CSMD1: variants seen among roughly 807,000 people sequenced by gnomAD.
CSMD1 encodes the protein CUB and Sushi multiple domains 1, also known as CUB and sushi domain-containing protein 1.
In CSMD1, 213 loss-of-function variants were observed where a neutral mutation model predicts 417.5. The ratio of observed to expected loss-of-function variants is 0.51; its 90% confidence interval spans 0.46 to 0.57. The LOEUF (loss-of-function observed/expected upper bound fraction) is 0.57, where lower values mean the gene tolerates loss of function less well. Among genes scored for constraint, CSMD1 ranks in the 20% least tolerant of loss-of-function variants. CSMD1 has a pLI of 0.00. For synonymous variants in CSMD1, 2,862 were observed against 1,736.8 expected, an observed-to-expected ratio of 1.65 and a Z score of -16.11; for missense variants, 6,923 against 4,529.7, an observed-to-expected ratio of 1.53 and a Z score of -15.17.
intron 3 of CSMD1, among the ~76,000 whole-genome samples, chr8:4,046,636 A>G (rs1368395282): frequency 1.4e-5 from 2 of 146,626 alleles, no homozygotes; most frequent in African/African-American, 4.9e-5. Context: ...ATCATAACAA[A>G]CAACAAGTGT....
At chr8:4,567,974 A>C (rs916959969) in intron 2 of CSMD1, among the ~76,000 whole-genome samples, 3 of 152,188 alleles carry the variant, frequency 2.0e-5, no homozygotes, top group African/African-American at 7.2e-5. Context: ...AAGGACTGTT[A>C]TTTAACTTTG....
At chr8:3,188,304 C>CTTTTT (rs33913660) in intron 35 of CSMD1, among the ~76,000 whole-genome samples, 4 of 87,624 alleles carry the variant, frequency 4.6e-5, no homozygotes, top group Non-Finnish European at 5.9e-5. Context: ...CTTTTCCTTT[C>CTTTTT]TTTTTTTTTT....
At chr8:3,633,732 A>G (rs1796897480) in intron 7 of CSMD1, among the ~76,000 whole-genome samples, 1 of 152,212 alleles carries the variant, frequency 6.6e-6, no homozygotes, top group African/African-American at 2.4e-5. Flanking sequence ...AATGTCATGT[A>G]AACACTGATT....
At chr8:4,678,230 G>C (rs1805819383) in intron 1 of CSMD1, among the ~76,000 whole-genome samples, 1 of 151,946 alleles carries the variant, frequency 6.6e-6, no homozygotes, top group African/African-American at 2.4e-5. Context: ...GGCCAACCTG[G>C]TGAAACCCTG....
chr8:4,483,092 G>A (rs1343133771), intron 2 of CSMD1, among the ~76,000 whole-genome samples: 1 of 152,140 alleles, frequency 6.6e-6, no homozygotes, highest in Non-Finnish European at 1.5e-5. Context: ...ATAATTGAAT[G>A]ACAGGGGCAG....
At chr8:3,866,212 C>G (rs1411055814) in intron 5 of CSMD1, among the ~76,000 whole-genome samples, 2 of 152,114 alleles carry the variant, frequency 1.3e-5, no homozygotes, top group East Asian at 1.9e-4. Context: ...AGCATTATTC[C>G]TAATTCTAGT....
intron 43 of CSMD1, among the ~76,000 whole-genome samples, chr8:3,109,255 C>T (rs908820229): frequency 1.3e-5 from 2 of 152,182 alleles, no homozygotes; most frequent in African/African-American, 4.8e-5. Flanking sequence ...CAGGGCAAGA[C>T]TCTGTCTCAA....
intron 2 of CSMD1, among the ~76,000 whole-genome samples, chr8:4,542,509 A>T (rs759938900): frequency 4.6e-5 from 7 of 152,228 alleles, no homozygotes; most frequent in Admixed American, 1.3e-4. Context: ...ACAATTATTG[A>T]AGCCTCCTTT....
At chr8:4,916,736 A>C (rs779437242) in intron 1 of CSMD1, among the ~76,000 whole-genome samples, 1 of 152,256 alleles carries the variant, frequency 6.6e-6, no homozygotes, top group Non-Finnish European at 1.5e-5. Flanking sequence ...ATCGCAAAGA[A>C]TAAATAGGTA....
chr8:4,957,322 G>T (rs977534834), intron 1 of CSMD1, among the ~76,000 whole-genome samples: 1 of 152,104 alleles, frequency 6.6e-6, no homozygotes, highest in South Asian at 2.1e-4. Context: ...TTTAAACAAG[G>T]AAAGATGCGT....
At chr8:3,596,960 G>A (rs190293498) in intron 8 of CSMD1, among the ~76,000 whole-genome samples, 116 of 152,250 alleles carry the variant, frequency 7.6e-4, no homozygotes, top group Non-Finnish European at 1.4e-3. Context: ...ACTTCTGCCT[G>A]CCTTGTTTGG....
At position 3,075,962 on chromosome 8, in the gene CSMD1, A is replaced by G. The variant is rs1020113928; in HGVS notation, c.7474+11135T>C. On this transcript the variant is annotated intron_variant, in intron 49 of 69. Coordinates refer to ENST00000635120, the MANE Select transcript of CSMD1 (RefSeq NM_033225.6). ...GCTCCTAGGGACGCTGAGGCAGGAG[A>G]ATGGCATGAACCTGGGAGGCGCAGC... 8.6e-5 allele frequency among the ~76,000 whole-genome samples: 13 copies of G among 151,604 alleles called. 1 individual carries two copies. Among genetic ancestry groups the G allele is most frequent in the African/African-American group, 3.1e-4 (13 of 41,332 alleles).
At chr8:4,583,898 A>C (rs1340086557) in intron 2 of CSMD1, among the ~76,000 whole-genome samples, 4 of 151,222 alleles carry the variant, frequency 2.6e-5, no homozygotes, top group Non-Finnish European at 5.9e-5. Context: ...GCTGCTGCTC[A>C]CTCTTTGGGT....
chr8:3,284,997 C>T (rs1445796724), intron 25 of CSMD1, among the ~76,000 whole-genome samples: 2 of 152,150 alleles, frequency 1.3e-5, no homozygotes, highest in African/African-American at 4.8e-5. Context: ...ACTTAAAAAT[C>T]TCTATGCCTA....
At chr8:4,452,946 G>T (rs761643918) in intron 2 of CSMD1, among the ~76,000 whole-genome samples, 1 of 152,134 alleles carries the variant, frequency 6.6e-6, no homozygotes, top group Non-Finnish European at 1.5e-5. Flanking sequence ...GTTAAATAGC[G>T]TTGATTTTTC....
chr8:4,692,877 T>C (rs965752009), intron 1 of CSMD1, among the ~76,000 whole-genome samples: 4 of 152,342 alleles, frequency 2.6e-5, no homozygotes, highest in Admixed American at 2.6e-4. Flanking sequence ...CAAGACTCTA[T>C]GGTATTCTTC....
chr8:4,906,248 T>C (rs1283064983), intron 1 of CSMD1, among the ~76,000 whole-genome samples: 1 of 152,212 alleles, frequency 6.6e-6, no homozygotes, highest in Non-Finnish European at 1.5e-5. Context: ...AGATGACACT[T>C]CCTGAACTCT....
intron 1 of CSMD1, among the ~76,000 whole-genome samples, chr8:4,863,931 A>G (rs1480274185): frequency 2.2e-5 from 3 of 137,012 alleles, no homozygotes; most frequent in Non-Finnish European, 4.9e-5. Flanking sequence ...ATTTTTCTTC[A>G]TAAATAAATC....
intron 3 of CSMD1, among the ~76,000 whole-genome samples, chr8:4,239,653 G>A (rs544249072): frequency 7.2e-5 from 11 of 152,264 alleles, no homozygotes; most frequent in Admixed American, 2.0e-4. Context: ...CATGCTCGGG[G>A]TCACAGAGCA....
Sources: allele counts gnomAD v4.1 joint callset (sites outside exome capture counted in the v4.1 genomes callset), GRCh38; gene constraint gnomAD v4.1.1; transcripts MANE v1.5; gene names NCBI Gene and HGNC (gene_info 2026-07-23, HGNC 2026-07-21).